Variants in DNAH6 observed in about 807,000 individuals in gnomAD.
DNAH6 encodes axonemal beta dynein heavy chain 6.
DNAH6 carries 340 observed loss-of-function variants against 491.4 expected under a neutral mutation model. That is an observed-to-expected ratio of 0.69 (90% CI 0.63 to 0.76). DNAH6 has a LOEUF of 0.76. Ranked by LOEUF, DNAH6 falls within the 30% of genes least tolerant of loss-of-function variation. The probability of loss-of-function intolerance (pLI) is 0.00; values close to 1 mark genes in which losing one functional copy is unlikely to be tolerated. For synonymous variants in DNAH6, 1,603 were observed against 1,686.1 expected, an observed-to-expected ratio of 0.95 and a Z score of 1.21; for missense variants, 4,443 against 4,972.2, an observed-to-expected ratio of 0.89 and a Z score of 3.20.
At position 84,747,337 on chromosome 2, in the gene DNAH6, G is replaced by A. The variant is rs1488094948; in HGVS notation, c.10512+2088G>A. 4.6e-5 allele frequency among the ~76,000 whole-genome samples: 7 copies of A among 152,150 alleles called. No homozygotes were observed. The East Asian group carries it at 1.2e-3, about 25-fold the overall frequency. On this transcript the variant is annotated intron_variant, in intron 63 of 76. Coordinates refer to ENST00000389394, the MANE Select transcript of DNAH6 (RefSeq NM_001370.2). ...GACACAATGATGGTTTGGGCATTGG[G>A]TAAACATTCCTATTCCAAAAGGGAG...
intron 61 of DNAH6, among the ~76,000 whole-genome samples, chr2:84,728,753 C>T (rs1698880974): frequency 6.6e-6 from 1 of 151,512 alleles, no homozygotes; most frequent in African/African-American, 2.4e-5. Context: ...GCTACAGTTC[C>T]CTCCTTCATG....
intron 46 of DNAH6, among the ~76,000 whole-genome samples, chr2:84,696,655 A>G (rs530741255): frequency 6.6e-6 from 1 of 152,014 alleles, no homozygotes; most frequent in Non-Finnish European, 1.5e-5. Flanking sequence ...AAGAAAAACA[A>G]AAAGTTTCAA....
chr2:84,491,207 T>G, the DNAH6 span, among the ~76,000 whole-genome samples: 1 of 152,214 alleles, frequency 6.6e-6, no homozygotes, highest in Non-Finnish European at 1.5e-5. Flanking sequence ...TTTTTCAAAG[T>G]GTCTGTATCA....
intron 18 of DNAH6, among the ~76,000 whole-genome samples, chr2:84,600,691 T>C (rs939243773): frequency 7.2e-5 from 11 of 152,076 alleles, no homozygotes; most frequent in African/African-American, 2.7e-4. Flanking sequence ...TTTCATCACA[T>C]CATATCCAAA....
intron 45 of DNAH6, among the ~76,000 whole-genome samples, chr2:84,689,494 G>A (rs886841640): frequency 9.2e-5 from 14 of 152,094 alleles, no homozygotes; most frequent in African/African-American, 1.9e-4. Flanking sequence ...CTTGTCTCTC[G>A]GCATGGCAGC....
At chr2:84,752,079 T>C (rs1673523784) in intron 63 of DNAH6, among the ~76,000 whole-genome samples, 1 of 152,230 alleles carries the variant, frequency 6.6e-6, no homozygotes, top group Admixed American at 6.5e-5. Context: ...CCAGGTTTCC[T>C]CCACCTCACA....
chr2:84,681,258 C>T lies in DNAH6; in HGVS notation c.6745-99C>T, dbSNP rs1693748938. ...CAGAAGACTTTGTGTTGGAATTTGG[C>T]TTTCTATTATTAGAAAACGTTATCA... On this transcript the variant is annotated intron_variant, in intron 41 of 76. Coordinates refer to ENST00000389394, the MANE Select transcript of DNAH6 (RefSeq NM_001370.2). 12 of 1,107,132 alleles carry T rather than the reference C, an allele frequency of 1.1e-5. No homozygotes were observed. In the East Asian group the frequency reaches 3.0e-4, roughly 28 times the overall value. 68.6% of individuals were successfully genotyped at this position (1,107,132 alleles called of 1,614,324 possible).
At chr2:84,794,546 A>G (rs886956208) in intron 68 of DNAH6, among the ~76,000 whole-genome samples, 4 of 151,248 alleles carry the variant, frequency 2.6e-5, no homozygotes, top group African/African-American at 9.7e-5. Flanking sequence ...TCAAAAGAAG[A>G]CATTTATGCA....
At chr2:84,808,327 A>G (rs569863249) in intron 71 of DNAH6, 88 bp from the exon 72 acceptor site, 1 of 1,377,520 alleles carries the variant, frequency 7.3e-7, no homozygotes, top group South Asian at 1.8e-5. Context: ...TGGCTTTTTA[A>G]AAATGTTAAG....
At chr2:84,487,280 A>G in the DNAH6 span, among the ~76,000 whole-genome samples, 3 of 152,224 alleles carry the variant, frequency 2.0e-5, no homozygotes, top group Non-Finnish European at 4.4e-5. Context: ...CGAGGATCCA[A>G]TGTGCATTGA....
intron 29 of DNAH6, among the ~76,000 whole-genome samples, chr2:84,632,217 T>G (rs1439535222): frequency 6.6e-6 from 1 of 152,220 alleles, no homozygotes; most frequent in African/African-American, 2.4e-5. Context: ...TGGAGGTTTT[T>G]GCATCCTGGG....
intron 4 of DNAH6, among the ~76,000 whole-genome samples, chr2:84,542,059 G>A (rs930395332): frequency 3.9e-5 from 6 of 152,248 alleles, no homozygotes; most frequent in African/African-American, 1.4e-4. Context: ...TCTGCGATAA[G>A]AAGAGAAATA....
At chr2:84,669,601 GA>G in intron 38 of DNAH6, 91 bp downstream of exon 38, 1 of 1,148,864 alleles carries the variant, frequency 8.7e-7, no homozygotes, top group Non-Finnish European at 1.3e-6. Flanking sequence ...TATTATTTCT[GA>G]GAGGAATTTT....
chr2:84,765,554 A>C (rs958548066), intron 64 of DNAH6, among the ~76,000 whole-genome samples: 1 of 152,098 alleles, frequency 6.6e-6, no homozygotes, highest in Non-Finnish European at 1.5e-5. Flanking sequence ...TGTAAGTGTT[A>C]AAATTTTAGG....
chr2:84,757,790 A>G (rs1466667132), intron 63 of DNAH6, among the ~76,000 whole-genome samples: 2 of 152,206 alleles, frequency 1.3e-5, no homozygotes, highest in Non-Finnish European at 2.9e-5. Context: ...TCTATGGTAC[A>G]GCCCCTTCTT....
intron 31 of DNAH6, 97 bp from the exon 32 acceptor site, chr2:84,640,333 T>C (rs1689271096): frequency 1.3e-6 from 1 of 773,234 alleles, no homozygotes; most frequent in Non-Finnish European, 2.0e-6. Flanking sequence ...ACTTGGAAAG[T>C]ATAATGTTTA....
chr2:84,739,099 G>A (rs1050347806), intron 62 of DNAH6, among the ~76,000 whole-genome samples: 3 of 152,142 alleles, frequency 2.0e-5, no homozygotes, highest in Non-Finnish European at 4.4e-5. Flanking sequence ...ATGAAGCTTA[G>A]CATGGAAGGA....
chr2:84,765,390 ATAAT>A (rs1390769327), intron 64 of DNAH6, among the ~76,000 whole-genome samples: 1 of 152,088 alleles, frequency 6.6e-6, no homozygotes, highest in African/African-American at 2.4e-5. Flanking sequence ...CTATTTCATA[ATAAT>A]TTTTAAAGTA....
At chr2:84,665,510 T>A (rs1448284167) in intron 37 of DNAH6, among the ~76,000 whole-genome samples, 1 of 152,126 alleles carries the variant, frequency 6.6e-6, no homozygotes, top group Non-Finnish European at 1.5e-5. Context: ...AAGAAATGGA[T>A]AAATTCCTGG....
Sources: gnomAD v4.1 joint callset for allele counts (sites outside exome capture counted in the v4.1 genomes callset) on GRCh38, gnomAD v4.1.1 for gene constraint, MANE v1.5 for transcripts, NCBI Gene and HGNC (gene_info 2026-07-23, HGNC 2026-07-21) for gene names.